Variants in MAST4 observed in about 807,000 individuals in gnomAD.
The protein encoded by MAST4 is microtubule-associated serine/threonine-protein kinase 4.
Under a neutral mutation model 162.7 loss-of-function variants are expected in MAST4, and 89 were observed. That is an observed-to-expected ratio of 0.55 (90% CI 0.46 to 0.65). The LOEUF (loss-of-function observed/expected upper bound fraction) is 0.65, where lower values mean the gene tolerates loss of function less well. Ranked by LOEUF, MAST4 falls within the 30% of genes least tolerant of loss-of-function variation. MAST4 has a pLI of 0.00. For synonymous variants in MAST4, 1,479 were observed against 1,361.1 expected, an observed-to-expected ratio of 1.09 and a Z score of -1.91; for missense variants, 3,153 against 3,374.0, an observed-to-expected ratio of 0.93 and a Z score of 1.62.
intron 1 of MAST4, among the ~76,000 whole-genome samples, chr5:66,635,261 C>T (rs916083021): frequency 2.0e-5 from 3 of 152,090 alleles, no homozygotes; most frequent in Non-Finnish European, 2.9e-5. Flanking sequence ...AAGTTTCTAT[C>T]GGCAGTTAAA....
At chr5:66,832,959 C>T (rs1757716127) in intron 3 of MAST4, among the ~76,000 whole-genome samples, 1 of 152,054 alleles carries the variant, frequency 6.6e-6, no homozygotes, top group Admixed American at 6.6e-5. Flanking sequence ...ATGCCATATC[C>T]GAGTGGTGTT....
At position 66,655,269 on chromosome 5, in the gene MAST4, A is replaced by G. The variant is rs2149452812; in HGVS notation, c.363+58251A>G. Among the ~76,000 whole-genome samples, 2 of 152,268 alleles carry G rather than the reference A, an allele frequency of 1.3e-5. 1 individual carries two copies. The highest frequency in any genetic ancestry group is 4.1e-4 in the South Asian group (2 of 4,828). On this transcript the variant is annotated intron_variant, in intron 1 of 28. Transcript: ENST00000403625. ...AATAAAAAAAATTGGGGTTCATGGG[A>G]TTTTCATAGATGAATAAGTTTAAGC...
intron 4 of MAST4, among the ~76,000 whole-genome samples, chr5:66,971,024 C>G (rs2150198243): frequency 6.6e-6 from 1 of 152,308 alleles, no homozygotes; most frequent in South Asian, 2.1e-4. Context: ...TGGTCTGGTT[C>G]AAGCTCAAGC....
At chr5:67,050,404 G>C (rs569716243) in intron 4 of MAST4, among the ~76,000 whole-genome samples, 45 of 152,186 alleles carry the variant, frequency 3.0e-4, no homozygotes, top group Middle Eastern at 3.4e-3. Context: ...ATTCTTACAC[G>C]CAGTGTTCTG....
intron 5 of MAST4, 26 bp downstream of exon 5, chr5:67,054,518 T>G: frequency 6.4e-7 from 1 of 1,557,858 alleles, no homozygotes; most frequent in Non-Finnish European, 8.7e-7. Context: ...TTCTTGAGTT[T>G]TGTTTTATTT....
At chr5:67,052,203 C>T (rs186831304) in intron 4 of MAST4, among the ~76,000 whole-genome samples, 24 of 152,206 alleles carry the variant, frequency 1.6e-4, no homozygotes, top group Non-Finnish European at 2.9e-4. Context: ...TTCTTTCACT[C>T]TACATTGCAT....
At chr5:66,987,910 C>T (rs369693066) in intron 4 of MAST4, among the ~76,000 whole-genome samples, 2 of 152,140 alleles carry the variant, frequency 1.3e-5, no homozygotes, top group Non-Finnish European at 2.9e-5. Context: ...ATAGTTACAA[C>T]GTGGTTGCGT....
intron 3 of MAST4, among the ~76,000 whole-genome samples, chr5:66,815,922 G>A (rs1428850701): frequency 6.6e-6 from 1 of 152,122 alleles, no homozygotes; most frequent in East Asian, 1.9e-4. Flanking sequence ...GGTTCAGGTG[G>A]CATTAGAGAA....
chr5:66,873,834 G>A (rs927645546), intron 3 of MAST4, among the ~76,000 whole-genome samples: 1 of 152,074 alleles, frequency 6.6e-6, no homozygotes, highest in African/African-American at 2.4e-5. Context: ...CTCTACACAT[G>A]TCATTCCTTA....
At chr5:66,894,413 C>T (rs995443866) in intron 3 of MAST4, among the ~76,000 whole-genome samples, 2 of 152,174 alleles carry the variant, frequency 1.3e-5, no homozygotes, top group African/African-American at 4.8e-5. Context: ...TCAAGTAATA[C>T]TGCATAATCT....
At chr5:66,758,884 A>G (rs1753702091) in intron 1 of MAST4, among the ~76,000 whole-genome samples, 1 of 152,200 alleles carries the variant, frequency 6.6e-6, no homozygotes, top group Non-Finnish European at 1.5e-5. Flanking sequence ...ATGTAGGTGT[A>G]TATGAAAATT....
At chr5:66,961,753 A>G (rs879483560) in intron 4 of MAST4, among the ~76,000 whole-genome samples, 1 of 152,200 alleles carries the variant, frequency 6.6e-6, no homozygotes, top group Admixed American at 6.5e-5. Context: ...TGCCGATTTT[A>G]GGACAGGAAG....
intron 4 of MAST4, among the ~76,000 whole-genome samples, chr5:66,956,852 G>T (rs1348937427): frequency 6.6e-6 from 1 of 152,034 alleles, no homozygotes; most frequent in African/African-American, 2.4e-5. Context: ...AGGTGTAGAG[G>T]GTACCAGGGA....
intron 24 of MAST4, among the ~76,000 whole-genome samples, chr5:67,152,322 C>T (rs555837290): frequency 1.1e-4 from 16 of 152,310 alleles, no homozygotes; most frequent in African/African-American, 3.8e-4. Context: ...CAGCCAGAGG[C>T]TAATCCTTGT....
At chr5:66,849,218 G>A (rs530985525) in intron 3 of MAST4, among the ~76,000 whole-genome samples, 12 of 152,106 alleles carry the variant, frequency 7.9e-5, no homozygotes, top group Middle Eastern at 3.2e-3. Context: ...GAAATTTTGG[G>A]GGGTTCTGTC....
intron 1 of MAST4, among the ~76,000 whole-genome samples, chr5:66,695,292 T>G (rs1433259062): frequency 6.6e-6 from 1 of 152,220 alleles, no homozygotes. Context: ...CATTGCTTGT[T>G]TTTGTCAGGT....
chr5:67,095,875 A>T (rs1764406841), intron 7 of MAST4, among the ~76,000 whole-genome samples, 200 bp downstream of exon 7: 1 of 152,228 alleles, frequency 6.6e-6, no homozygotes, highest in African/African-American at 2.4e-5. Flanking sequence ...TTTAAACTGT[A>T]GTGCATAAAT....
intron 1 of MAST4, among the ~76,000 whole-genome samples, chr5:66,632,397 GTTA>G (rs796756391): frequency 1.6e-3 from 237 of 152,246 alleles, no homozygotes; most frequent in African/African-American, 5.5e-3. Context: ...CTTTGGAGAA[GTTA>G]TTAATAGAAA....
intron 1 of MAST4, among the ~76,000 whole-genome samples, chr5:66,678,448 T>C (rs1470113223): frequency 3.3e-5 from 5 of 152,002 alleles, no homozygotes; most frequent in African/African-American, 9.7e-5. Flanking sequence ...GAGGCAAGTA[T>C]GTTCATTAGC....
Sources: gnomAD v4.1 joint callset for allele counts (sites outside exome capture counted in the v4.1 genomes callset) on GRCh38, gnomAD v4.1.1 for gene constraint, MANE v1.5 for transcripts, NCBI Gene and HGNC (gene_info 2026-07-23, HGNC 2026-07-21) for gene names.